Variants in HERC2 observed in about 807,000 individuals in gnomAD.
The protein encoded by HERC2 is HECT and RLD domain containing E3 ubiquitin protein ligase 2.
HERC2 carries 102 observed loss-of-function variants against 537.7 expected under a neutral mutation model. That is an observed-to-expected ratio of 0.19 (90% CI 0.16 to 0.22). The LOEUF (loss-of-function observed/expected upper bound fraction) is 0.22. Ranked by LOEUF, HERC2 falls within the 10% of genes least tolerant of loss-of-function variation. The pLI, the probability that HERC2 is intolerant of heterozygous loss-of-function variation, is 1.00. For missense variants in HERC2, 4,236 were observed against 6,198.2 expected, an observed-to-expected ratio of 0.68 and a Z score of 10.63; for synonymous variants, 2,224 against 2,466.2, an observed-to-expected ratio of 0.90 and a Z score of 2.91.
At chr15:28,296,981 T>C (rs919791730) in intron 3 of HERC2, among the ~76,000 whole-genome samples, 6 of 152,220 alleles carry the variant, frequency 3.9e-5, no homozygotes, top group Non-Finnish European at 5.9e-5. Context: ...TTCTCAGTAT[T>C]ACAGGTGTTT....
chr15:28,190,976 C>G lies in HERC2; in HGVS notation c.8638G>C (p.Asp2880His), dbSNP rs1896804318. 6.2e-7 allele frequency: 1 copy of G among 1,603,822 alleles called. No individual in the cohort carries two copies. Among genetic ancestry groups the G allele is most frequent in the Non-Finnish European group, 8.5e-7 (1 of 1,170,634 alleles). The change falls in exon 55 of 93, where the codon GAC becomes CAC. Residue 2880 changes from aspartate (D) to histidine (H), a missense_variant. This residue lies in a region of HERC2 where 606 missense variants were observed against 884.5 expected (regional missense o/e 0.69). Transcript: ENST00000261609. ...PSDTTVPLLN[D>H]CTEYHRYIEI... ...GCATAGCTACTTACCTCTGTGCAGT[C>G]ATTCAGAAGGGGCACTGTGGTGTCA...
chr15:28,126,318 G>A (rs1889479367), intron 83 of HERC2, among the ~76,000 whole-genome samples: 1 of 152,154 alleles, frequency 6.6e-6, no homozygotes, highest in Non-Finnish European at 1.5e-5. Context: ...CTATGGAAAA[G>A]TATGGAGATT....
At chr15:28,189,636 C>G (rs557215723) in intron 55 of HERC2, among the ~76,000 whole-genome samples, 1 of 152,046 alleles carries the variant, frequency 6.6e-6, no homozygotes, top group Non-Finnish European at 1.5e-5. Context: ...GAATGTACTA[C>G]GTATTTCAAA....
intron 12 of HERC2, among the ~76,000 whole-genome samples, chr15:28,266,968 T>A (rs908788390): frequency 2.0e-5 from 3 of 152,214 alleles, no homozygotes; most frequent in Non-Finnish European, 4.4e-5. Context: ...GTGGATGGAA[T>A]GAAGCCAGCA....
Position 28,268,443 on chromosome 15 carries a change from T to A in HERC2, c.1598+22A>T. Reference sequence around the variant, plus strand: ...CAACATAAAAGGAGAGTGTGTCCCCTACAGGAATAAGCGATACATACACAG... The same window carrying A: ...CAACATAAAAGGAGAGTGTGTCCCCAACAGGAATAAGCGATACATACACAG... On this transcript the variant is annotated intron_variant, in intron 12 of 92. Coordinates refer to ENST00000261609, the MANE Select transcript of HERC2 (RefSeq NM_004667.6). This position sits in a 1 kb window ranked among gnomAD's most constrained non-coding sequence, Gnocchi z 4.7. 6.2e-7 allele frequency: 1 copy of A among 1,607,160 alleles called. No homozygotes were observed. Among genetic ancestry groups the A allele is most frequent in the Non-Finnish European group, 8.5e-7 (1 of 1,175,418 alleles).
intron 57 of HERC2, among the ~76,000 whole-genome samples, chr15:28,181,170 T>G (rs1895783097): frequency 6.6e-6 from 1 of 152,200 alleles, no homozygotes; most frequent in Non-Finnish European, 1.5e-5. Flanking sequence ...CTAAAAAACC[T>G]TTATGATTCC....
chr15:28,319,584 C>CAAA (rs1168038967), intron 2 of HERC2, among the ~76,000 whole-genome samples: 78 of 58,166 alleles, frequency 1.3e-3, no homozygotes, highest in East Asian at 3.6e-3. Context: ...GACTGCGTCT[C>CAAA]AAAAAAAAAA....
intron 20 of HERC2, among the ~76,000 whole-genome samples, chr15:28,249,952 G>T (rs1904122507): frequency 1.3e-5 from 2 of 152,038 alleles, no homozygotes; most frequent in African/African-American, 4.8e-5. Context: ...ACCACGCCCG[G>T]CCTAAGGAAA....
Position 28,214,802 on chromosome 15 carries a change from T to C in HERC2, c.6211A>G (p.Ile2071Val). The C allele has an allele frequency of 2.5e-6, 4 of 1,607,510 alleles. No homozygotes were observed. Among genetic ancestry groups the C allele is most frequent in the Non-Finnish European group, 3.4e-6 (4 of 1,177,492 alleles). Reference sequence around the variant, plus strand: ...GCTTGCAACAAATGCACAGCTAAGATCTGATAAAAGAAAATTTATAACGAC... The same window carrying C: ...GCTTGCAACAAATGCACAGCTAAGACCTGATAAAAGAAAATTTATAACGAC... ...PFTATSLQRQ[I>V]LAVHLLQAVL... Residue 2071 changes from isoleucine to valine, a missense_variant and splice_region_variant, in exon 40 of 93, where the codon ATC (isoleucine) becomes GTC (valine). By Grantham distance (29) the Ile-to-Val change is conservative. Around this residue, in one of 27 missense-constraint regions of HERC2, gnomAD observed 365 missense variants for 468.8 expected, o/e 0.78. Coordinates refer to ENST00000261609, the MANE Select transcript of HERC2 (RefSeq NM_004667.6).
intron 86 of HERC2, among the ~76,000 whole-genome samples, chr15:28,119,246 A>AC (rs1344461031): frequency 4.0e-5 from 6 of 151,510 alleles, no homozygotes; most frequent in Non-Finnish European, 5.9e-5. Flanking sequence ...ATACAAAAAA[A>AC]AAAATTAGCC....
chr15:28,114,638 C>T lies in HERC2; in HGVS notation c.13887G>A (p.Glu4629=). ...TATAGTTTATCGCCAGCCGCACGTA[C>T]TCCGCGCGGTTGTCCAGGGTGATGT... is the stretch of plus-strand genomic sequence containing the variant. ...HTHITLDNRA[E]YVRLAINYRL... The change falls in exon 90 of 93, where the codon GAG becomes GAA. Residue 4629 remains glutamate, a synonymous_variant. Transcript: ENST00000261609. The T allele has an allele frequency of 6.2e-7, 1 of 1,614,038 alleles. No homozygotes were observed. The highest frequency in any genetic ancestry group is 8.5e-7 in the Non-Finnish European group (1 of 1,180,010).
At chr15:28,112,078 T>G in intron 92 of HERC2, 43 bp from the exon 93 acceptor site, 1 of 1,592,640 alleles carries the variant, frequency 6.3e-7, no homozygotes. Context: ...TGAGTACGGC[T>G]GCAGTTTACT....
intron 3 of HERC2, among the ~76,000 whole-genome samples, chr15:28,298,878 T>C (rs2076545178): frequency 6.6e-6 from 1 of 152,008 alleles, no homozygotes; most frequent in African/African-American, 2.4e-5. Flanking sequence ...AATAAATACT[T>C]TCTAAAGTGG....
intron 4 of HERC2, among the ~76,000 whole-genome samples, chr15:28,288,348 A>C (rs2076216572): frequency 6.6e-6 from 1 of 150,846 alleles, no homozygotes; most frequent in Non-Finnish European, 1.5e-5. Flanking sequence ...CAACATGACG[A>C]AACCATGTCT....
chr15:28,238,331 C>T, intron 24 of HERC2, 114 bp from the exon 25 acceptor site: 1 of 875,732 alleles, frequency 1.1e-6, no homozygotes, highest in Non-Finnish European at 1.9e-6. Flanking sequence ...TGAGGGTTAC[C>T]AGAGTATAAT....
At chr15:28,181,881 G>A (rs949351905) in intron 57 of HERC2, among the ~76,000 whole-genome samples, 1 of 152,190 alleles carries the variant, frequency 6.6e-6, no homozygotes, top group Non-Finnish European at 1.5e-5. Context: ...AGATCATGGC[G>A]CTCTCCACCC....
Position 28,212,576 on chromosome 15 carries a change from G to A in HERC2, c.6794C>T (p.Ala2265Val). Reference sequence around the variant, plus strand: ...CAGGTTGTTCACATTAAAGGCCACGGCAGGGAGCTGGAGAGGACACAGAAG... The same window carrying A: ...CAGGTTGTTCACATTAAAGGCCACGACAGGGAGCTGGAGAGGACACAGAAG... Reference protein sequence around the residue: ...CPLNQLKPLPAVAFNVNNLPF... With the variant: ...CPLNQLKPLPVVAFNVNNLPF... The change falls in exon 43 of 93, where the codon GCC becomes GTC. Residue 2265 changes from alanine to valine, a missense_variant. Physicochemically the swap from Ala to Val is moderately conservative, Grantham distance 64. Coordinates refer to ENST00000261609, the MANE Select transcript of HERC2 (RefSeq NM_004667.6). 1.2e-6 allele frequency: 2 copies of A among 1,607,052 alleles called. No homozygotes were observed. The highest frequency in any genetic ancestry group is 8.5e-7 in the Non-Finnish European group (1 of 1,175,926).
At chr15:28,285,639 G>GA (rs1043828571) in intron 4 of HERC2, among the ~76,000 whole-genome samples, 48 of 143,800 alleles carry the variant, frequency 3.3e-4, no homozygotes, top group South Asian at 2.8e-3. Flanking sequence ...CAACCTAAAA[G>GA]AAAAAAAAAA....
chr15:28,221,004 G>C (rs1190407507), intron 36 of HERC2, among the ~76,000 whole-genome samples: 1 of 138,160 alleles, frequency 7.2e-6, no homozygotes, highest in Admixed American at 7.3e-5. Flanking sequence ...AGGAGGGTGC[G>C]TGCCCTGCCC....
Sources: gnomAD v4.1 joint callset for allele counts (sites outside exome capture counted in the v4.1 genomes callset) on GRCh38, gnomAD v4.1.1 for gene constraint, gnomAD v4.1.1 regional missense constraint, Gnocchi (gnomAD v3.1) non-coding constraint, MANE v1.5 for transcripts, NCBI Gene and HGNC (gene_info 2026-07-23, HGNC 2026-07-21) for gene names.